SOX6: variants seen among roughly 807,000 people sequenced by gnomAD.
SOX6 encodes SRY-box transcription factor 6.
SOX6 carries 11 observed loss-of-function variants against 97.8 expected under a neutral mutation model. The ratio of observed to expected loss-of-function variants is 0.11; its 90% CI spans 0.07 to 0.19. The LOEUF (loss-of-function observed/expected upper bound fraction) is 0.19. Among genes scored for constraint, SOX6 ranks in the 10% least tolerant of loss-of-function variants. The pLI, the probability that SOX6 is intolerant of heterozygous loss-of-function variation, is 1.00. For missense variants in SOX6, 810 were observed against 1,039.5 expected (o/e 0.78, Z 3.04); for synonymous variants, 360 against 371.4 (o/e 0.97, Z 0.35).
chr11:15,992,919 T>A (rs757675407), intron 13 of SOX6, among the ~76,000 whole-genome samples: 28 of 152,126 alleles, frequency 1.8e-4, no homozygotes, highest in Non-Finnish European at 3.5e-4. Context: ...AGCTGACAAC[T>A]TATCTATTAC....
At chr11:16,325,750 C>T (rs1047337864) in intron 2 of SOX6, among the ~76,000 whole-genome samples, 11 of 152,086 alleles carry the variant, frequency 7.2e-5, no homozygotes, top group Admixed American at 5.2e-4. Flanking sequence ...TTTGAATGTA[C>T]GTCCCCCCAT....
chr11:16,284,712 G>T (rs771576618), intron 3 of SOX6, among the ~76,000 whole-genome samples: 7 of 152,048 alleles, frequency 4.6e-5, no homozygotes, highest in Non-Finnish European at 8.8e-5. Flanking sequence ...GATCCAGGAA[G>T]TGTGGGTGCA....
At chr11:16,068,158 C>T (rs1319262625) in intron 9 of SOX6, among the ~76,000 whole-genome samples, 1 of 152,082 alleles carries the variant, frequency 6.6e-6, no homozygotes, top group Non-Finnish European at 1.5e-5. Flanking sequence ...TTGATTGATG[C>T]TGCCTAACAC....
chr11:16,603,952 G>A (rs1298375842), intron 4 of SOX6, among the ~76,000 whole-genome samples: 4 of 152,248 alleles, frequency 2.6e-5, no homozygotes, highest in Non-Finnish European at 5.9e-5. Context: ...AGCGGACCAG[G>A]TCGGCCAAGC....
intron 3 of SOX6, among the ~76,000 whole-genome samples, chr11:16,663,952 A>G (rs1847785776): frequency 6.6e-6 from 1 of 152,158 alleles, no homozygotes. Flanking sequence ...ATCAATATAG[A>G]GTCAGTAGAT....
At chr11:16,111,997 G>A (rs1416061400) in intron 6 of SOX6, 74 bp from the exon 7 acceptor site, 1 of 1,591,874 alleles carries the variant, frequency 6.3e-7, no homozygotes, top group Non-Finnish European at 8.6e-7. Context: ...TTTCACTCCT[G>A]GTGGTGTGCT....
intron 4 of SOX6, among the ~76,000 whole-genome samples, chr11:16,587,158 C>T (rs12574185): frequency 0.27 from 40,460 of 152,052 alleles, 6,164 homozygotes; most frequent in East Asian, 0.53. Flanking sequence ...TGGGGAAAAT[C>T]TCTTAGCTTA....
At chr11:16,723,536 G>A (rs180931759) in intron 2 of SOX6, among the ~76,000 whole-genome samples, 13 of 151,880 alleles carry the variant, frequency 8.6e-5, no homozygotes, top group Non-Finnish European at 1.5e-4. Flanking sequence ...ACAGCCAGGC[G>A]CAATAGCTCA....
intron 7 of SOX6, among the ~76,000 whole-genome samples, chr11:16,104,904 C>G (rs375363882): frequency 2.6e-5 from 4 of 151,890 alleles, no homozygotes; most frequent in African/African-American, 9.7e-5. Context: ...GATCAAAGAC[C>G]TCCCAGTAAG....
intron 2 of SOX6, among the ~76,000 whole-genome samples, chr11:16,336,286 C>T (rs1465065813): frequency 6.6e-6 from 1 of 152,152 alleles, no homozygotes; most frequent in South Asian, 2.1e-4. Context: ...AGGCAAAAAG[C>T]TTGTCTCTCA....
chr11:16,561,532 A>G (rs1310043870), intron 4 of SOX6, among the ~76,000 whole-genome samples: 1 of 152,162 alleles, frequency 6.6e-6, no homozygotes, highest in Admixed American at 6.5e-5. Flanking sequence ...ATATCCCCTG[A>G]CTTAGATCAG....
intron 1 of SOX6, among the ~76,000 whole-genome samples, chr11:16,368,175 T>C (rs1425752217): frequency 6.6e-6 from 1 of 152,146 alleles, no homozygotes; most frequent in Admixed American, 6.6e-5. Flanking sequence ...AACAGAGGCA[T>C]AGCAAAAAGA....
intron 2 of SOX6, among the ~76,000 whole-genome samples, chr11:16,329,910 A>T (rs1856231892): frequency 6.6e-6 from 1 of 152,186 alleles, no homozygotes; most frequent in African/African-American, 2.4e-5. Flanking sequence ...TATTCCATGG[A>T]AACATTCAGA....
upstream of SOX6, among the ~76,000 whole-genome samples, chr11:16,479,351 G>A (rs978786545): frequency 5.9e-5 from 9 of 152,128 alleles, no homozygotes; most frequent in Admixed American, 3.3e-4. Context: ...CCAACATGGC[G>A]AAACCCTATT....
At chr11:16,003,344 T>C (rs1309284313) in intron 13 of SOX6, among the ~76,000 whole-genome samples, 1 of 152,112 alleles carries the variant, frequency 6.6e-6, no homozygotes, top group African/African-American at 2.4e-5. Flanking sequence ...TCACTCATTA[T>C]TGAAGACTCG....
intron 15 of SOX6, among the ~76,000 whole-genome samples, chr11:15,977,313 G>A (rs572274760): frequency 6.6e-6 from 1 of 152,140 alleles, no homozygotes; most frequent in Admixed American, 6.6e-5. Context: ...TCGCTCTCTT[G>A]TCATACAGTG....
intron 4 of SOX6, among the ~76,000 whole-genome samples, chr11:16,539,825 G>C (rs1371102040): frequency 6.6e-6 from 1 of 152,004 alleles, no homozygotes; most frequent in Non-Finnish European, 1.5e-5. Flanking sequence ...TGAGGCAATA[G>C]TTAATAGCCT....
chr11:16,398,357 A>G (rs573958867), intron 1 of SOX6, among the ~76,000 whole-genome samples: 2 of 151,592 alleles, frequency 1.3e-5, no homozygotes, highest in South Asian at 2.1e-4. Context: ...TCCATCTAAA[A>G]CCATAACCAT....
At chr11:16,441,453 G>T in intron 1 of SOX6, among the ~76,000 whole-genome samples, 1 of 151,992 alleles carries the variant, frequency 6.6e-6, no homozygotes, top group Non-Finnish European at 1.5e-5. Context: ...TGATGCTTTT[G>T]TATTGAGAGG....
Sources: gnomAD v4.1 joint callset for allele counts (sites outside exome capture counted in the v4.1 genomes callset) on GRCh38, gnomAD v4.1.1 for gene constraint, MANE v1.5 for transcripts, NCBI Gene and HGNC (gene_info 2026-07-23, HGNC 2026-07-21) for gene names.